EPB41L2: variants seen among roughly 807,000 people sequenced by gnomAD.
The protein encoded by EPB41L2 is band 4.1-like protein 2.
EPB41L2 carries 43 observed loss-of-function variants against 113.0 expected under a neutral mutation model. The ratio of observed to expected loss-of-function variants is 0.38; its 90% CI spans 0.30 to 0.49. EPB41L2 has a LOEUF of 0.49. Among genes scored for constraint, EPB41L2 ranks in the 20% least tolerant of loss-of-function variants. The pLI is 0.95. For missense variants in EPB41L2, 1,147 were observed against 1,223.4 expected (o/e 0.94, Z 0.93); for synonymous variants, 442 against 436.7 (o/e 1.01, Z -0.15).
rs558176785 is a variant in EPB41L2 at position 130,930,467 on chromosome 6, A to G, written c.706-3758T>C. Among the ~76,000 whole-genome samples the G allele has an allele frequency of 6.5e-3, 996 of 152,314 alleles. 14 individuals carry two copies. Among genetic ancestry groups the G allele is most frequent in the African/African-American group, 0.023 (960 of 41,580 alleles). ...ATTTCTTGATTTGGAGTGCTCAAGT[A>G]TTACAAAATCTGAAAAAACTTGAAA... On this transcript the variant is annotated intron_variant, in intron 3 of 19. Transcript: ENST00000337057.
At chr6:130,967,691 A>T (rs1247922961) in intron 1 of EPB41L2, among the ~76,000 whole-genome samples, 1 of 152,234 alleles carries the variant, frequency 6.6e-6, no homozygotes, top group Non-Finnish European at 1.5e-5. Flanking sequence ...GCCTGAAAGC[A>T]CAAGCTTGTC....
chr6:130,981,173 A>T (rs1165056561), intron 1 of EPB41L2, among the ~76,000 whole-genome samples: 3 of 152,312 alleles, frequency 2.0e-5, no homozygotes, highest in East Asian at 1.9e-4. Context: ...GGTGTTTTAA[A>T]CTCTTCTTAC....
At chr6:130,854,554 T>C (rs1756461617) in intron 19 of EPB41L2, among the ~76,000 whole-genome samples, 1 of 152,160 alleles carries the variant, frequency 6.6e-6, no homozygotes, top group Admixed American at 6.6e-5. Context: ...TAAAAACTTA[T>C]TAAAATGCCA....
chr6:130,951,953 C>T (rs1815269592), intron 3 of EPB41L2, among the ~76,000 whole-genome samples: 1 of 152,112 alleles, frequency 6.6e-6, no homozygotes, highest in African/African-American at 2.4e-5. Flanking sequence ...AGAGCCATAA[C>T]AAACCCACCA....
At chr6:131,055,821 T>C (rs1200973509) in intron 1 of EPB41L2, among the ~76,000 whole-genome samples, 4 of 152,046 alleles carry the variant, frequency 2.6e-5, no homozygotes, top group Non-Finnish European at 5.9e-5. Context: ...ACCTGGTGTG[T>C]AGTCTGTGCT....
intron 3 of EPB41L2, among the ~76,000 whole-genome samples, chr6:130,938,549 G>A (rs1364977496): frequency 6.6e-6 from 1 of 152,138 alleles, no homozygotes; most frequent in African/African-American, 2.4e-5. Flanking sequence ...TCAGAAGCAG[G>A]AAAGTTAAGC....
chr6:130,894,510 G>C (rs1246581280), intron 9 of EPB41L2, 69 bp from the exon 10 acceptor site: 6 of 1,343,024 alleles, frequency 4.5e-6, no homozygotes, highest in Non-Finnish European at 5.3e-6. Flanking sequence ...TGAAAAGCAT[G>C]CATTCAGATG....
chr6:131,048,280 A>G (rs1337908975), intron 1 of EPB41L2, among the ~76,000 whole-genome samples: 1 of 152,184 alleles, frequency 6.6e-6, no homozygotes, highest in Non-Finnish European at 1.5e-5. Flanking sequence ...TAGAATTTGA[A>G]TATCAGTTCA....
At chr6:130,885,669 T>C (rs1193030872) in intron 11 of EPB41L2, among the ~76,000 whole-genome samples, 1 of 152,178 alleles carries the variant, frequency 6.6e-6, no homozygotes, top group Non-Finnish European at 1.5e-5. Flanking sequence ...CAACAAATGA[T>C]TATGCAATTA....
chr6:131,060,298 C>A (rs971385451), intron 1 of EPB41L2, among the ~76,000 whole-genome samples: 1 of 152,198 alleles, frequency 6.6e-6, no homozygotes, highest in Non-Finnish European at 1.5e-5. Flanking sequence ...TTGTAGTTCA[C>A]CAGCCACAGT....
intron 3 of EPB41L2, among the ~76,000 whole-genome samples, chr6:130,949,535 A>T (rs1233612145): frequency 6.7e-6 from 1 of 150,254 alleles, no homozygotes; most frequent in Non-Finnish European, 1.5e-5. Flanking sequence ...ACTGCACTCC[A>T]GTCTGGGCAA....
At chr6:130,857,445 T>C (rs1302835160) in intron 19 of EPB41L2, among the ~76,000 whole-genome samples, 2 of 152,194 alleles carry the variant, frequency 1.3e-5, no homozygotes, top group Non-Finnish European at 2.9e-5. Context: ...CTTAATCATT[T>C]ATTAATCCTT....
At chr6:130,896,000 T>C (rs1794530659) in intron 8 of EPB41L2, among the ~76,000 whole-genome samples, 1 of 152,140 alleles carries the variant, frequency 6.6e-6, no homozygotes, top group South Asian at 2.1e-4. Flanking sequence ...ATATGTAAAA[T>C]TGAAGACTAC....
At chr6:130,843,314 AT>A (rs2128394756) in intron 19 of EPB41L2, among the ~76,000 whole-genome samples, 1 of 152,226 alleles carries the variant, frequency 6.6e-6, no homozygotes, top group Non-Finnish European at 1.5e-5. Flanking sequence ...ATATCTGACA[AT>A]TTTTTACAGG....
intron 1 of EPB41L2, among the ~76,000 whole-genome samples, chr6:131,023,685 A>AG (rs1790058488): frequency 1.5e-5 from 1 of 66,576 alleles, no homozygotes; most frequent in Non-Finnish European, 3.8e-5. Context: ...ACTTCGTCTC[A>AG]AAAACAGAAG....
chr6:130,881,655 A>T (rs1241481249), intron 12 of EPB41L2: 2 of 152,178 alleles, frequency 1.3e-5, no homozygotes, highest in East Asian at 3.8e-4. Flanking sequence ...TTAGTAGCAC[A>T]GAGGTAGGAT....
At chr6:130,921,965 C>A (rs1034078284) in intron 4 of EPB41L2, among the ~76,000 whole-genome samples, 3 of 152,226 alleles carry the variant, frequency 2.0e-5, no homozygotes, top group African/African-American at 7.2e-5. Flanking sequence ...CATCCTTCAA[C>A]ATCCTATATG....
chr6:130,951,710 A>T (rs1436004021), intron 3 of EPB41L2, among the ~76,000 whole-genome samples: 1 of 151,948 alleles, frequency 6.6e-6, no homozygotes. Flanking sequence ...GGTTTTGAGT[A>T]TCCTTCCCAT....
intron 16 of EPB41L2, among the ~76,000 whole-genome samples, chr6:130,866,066 C>T (rs1783655028): frequency 6.6e-6 from 1 of 152,140 alleles, no homozygotes; most frequent in Non-Finnish European, 1.5e-5. Flanking sequence ...AGCAACAGAA[C>T]CTGACCAGGA....
Sources: allele counts gnomAD v4.1 joint callset (sites outside exome capture counted in the v4.1 genomes callset), GRCh38; gene constraint gnomAD v4.1.1; transcripts MANE v1.5; gene names NCBI Gene and HGNC (gene_info 2026-07-23, HGNC 2026-07-21).